The following HS6ST3 variants were observed in gnomAD, a reference collection of about 807,000 sequenced individuals.
The protein encoded by HS6ST3 is heparan sulfate 6-O-sulfotransferase 3.
A neutral mutation model predicts 36.7 loss-of-function variants in HS6ST3; 12 were observed. The ratio of observed to expected loss-of-function variants is 0.33; its 90% CI spans 0.21 to 0.53. The LOEUF is 0.53. HS6ST3 is among the 20% of genes least tolerant of loss of function. The pLI, the probability that HS6ST3 is intolerant of heterozygous loss-of-function variation, is 0.95. For synonymous variants in HS6ST3, 240 were observed against 257.5 expected (o/e 0.93, Z 0.65); for missense variants, 584 against 640.9 (o/e 0.91, Z 0.96).
At chr13:96,627,288 T>A (rs2056516390) in intron 1 of HS6ST3, among the ~76,000 whole-genome samples, 1 of 152,048 alleles carries the variant, frequency 6.6e-6, no homozygotes, top group African/African-American at 2.4e-5. Flanking sequence ...GCGTAAACGA[T>A]CAAGTTTTTC....
At chr13:96,685,630 C>T (rs1362386397) in intron 1 of HS6ST3, among the ~76,000 whole-genome samples, 1 of 152,040 alleles carries the variant, frequency 6.6e-6, no homozygotes, top group African/African-American at 2.4e-5. Flanking sequence ...TGTGTATGCA[C>T]AATGTCCACC....
At chr13:96,589,948 G>C (rs937115823) in intron 1 of HS6ST3, among the ~76,000 whole-genome samples, 2 of 152,058 alleles carry the variant, frequency 1.3e-5, no homozygotes, top group Non-Finnish European at 2.9e-5. Flanking sequence ...TTGTCTTTCT[G>C]TGCCTAGCTT....
chr13:96,788,746 G>A (rs1877713864), intron 1 of HS6ST3, among the ~76,000 whole-genome samples: 1 of 151,704 alleles, frequency 6.6e-6, no homozygotes, highest in African/African-American at 2.4e-5. Flanking sequence ...ATGAGTCCTT[G>A]GTGAATTGAC....
At chr13:96,704,828 C>T (rs1336612117) in intron 1 of HS6ST3, among the ~76,000 whole-genome samples, 1 of 152,290 alleles carries the variant, frequency 6.6e-6, no homozygotes, top group South Asian at 2.1e-4. Context: ...AGGTTTCTAT[C>T]AGGGATGGGG....
intron 1 of HS6ST3, among the ~76,000 whole-genome samples, chr13:96,788,630 G>A (rs181159757): frequency 6.6e-6 from 1 of 151,986 alleles, no homozygotes; most frequent in East Asian, 1.9e-4. Flanking sequence ...TAAATGAGGG[G>A]AACATATTGA....
chr13:96,433,745 G>A (rs571078926), intron 1 of HS6ST3, among the ~76,000 whole-genome samples: 1 of 152,202 alleles, frequency 6.6e-6, no homozygotes, highest in East Asian at 1.9e-4. Context: ...GACTGGCCTG[G>A]CCAACATGGT....
chr13:96,199,835 G>A (rs1274529344), intron 1 of HS6ST3, among the ~76,000 whole-genome samples: 1 of 151,974 alleles, frequency 6.6e-6, no homozygotes, highest in Non-Finnish European at 1.5e-5. Flanking sequence ...GTCAAAGGAT[G>A]TGCAGATTCT....
intron 1 of HS6ST3, among the ~76,000 whole-genome samples, chr13:96,800,060 G>A (rs1331519586): frequency 6.9e-6 from 1 of 144,824 alleles, no homozygotes; most frequent in African/African-American, 2.5e-5. Context: ...CAGAATTACA[G>A]CCGCCTAGTA....
At chr13:96,420,570 T>C (rs2055557739) in intron 1 of HS6ST3, among the ~76,000 whole-genome samples, 1 of 152,220 alleles carries the variant, frequency 6.6e-6, no homozygotes, top group South Asian at 2.1e-4. Context: ...TTTTAAATAT[T>C]GAAACATAGC....
chr13:96,661,633 C>G (rs548741598), intron 1 of HS6ST3, among the ~76,000 whole-genome samples: 5 of 152,164 alleles, frequency 3.3e-5, no homozygotes, highest in African/African-American at 9.6e-5. Flanking sequence ...TTGTTTCTGT[C>G]ATGATATTAA....
At chr13:96,762,725 C>G (rs1259543698) in intron 1 of HS6ST3, among the ~76,000 whole-genome samples, 1 of 152,138 alleles carries the variant, frequency 6.6e-6, no homozygotes, top group African/African-American at 2.4e-5. Flanking sequence ...AAGACTGCTT[C>G]TTTATGGGAG....
chr13:96,354,581 A>T (rs1194200450), intron 1 of HS6ST3, among the ~76,000 whole-genome samples: 1 of 152,150 alleles, frequency 6.6e-6, no homozygotes, highest in Non-Finnish European at 1.5e-5. Flanking sequence ...CTTCAAATTT[A>T]TGTCTGGCCC....
intron 1 of HS6ST3, among the ~76,000 whole-genome samples, chr13:96,530,022 A>G (rs192756314): frequency 2.6e-5 from 4 of 152,330 alleles, no homozygotes; most frequent in East Asian, 1.9e-4. Context: ...TTCAAGTTCT[A>G]TGATTAGATT....
chr13:96,467,010 A>G (rs1037470214), intron 1 of HS6ST3, among the ~76,000 whole-genome samples: 4 of 152,194 alleles, frequency 2.6e-5, no homozygotes, highest in African/African-American at 9.7e-5. Context: ...AAGATAGCAC[A>G]AGAAGCTGCT....
chr13:96,128,298 G>A (rs1373558104), intron 1 of HS6ST3, among the ~76,000 whole-genome samples: 1 of 152,182 alleles, frequency 6.6e-6, no homozygotes, highest in Non-Finnish European at 1.5e-5. Context: ...GTGAGGCATA[G>A]CAGTGTGGTG....
At chr13:96,597,244 G>A in intron 1 of HS6ST3, among the ~76,000 whole-genome samples, 1 of 151,982 alleles carries the variant, frequency 6.6e-6, no homozygotes, top group Middle Eastern at 3.4e-3. Context: ...TGCATGCTAG[G>A]CTTAGTACCT....
chr13:96,667,898 A>T (rs761848922), intron 1 of HS6ST3, among the ~76,000 whole-genome samples: 1 of 152,142 alleles, frequency 6.6e-6, no homozygotes, highest in Non-Finnish European at 1.5e-5. Flanking sequence ...CTTGTCTGTA[A>T]ACCCAGAAGC....
chr13:96,237,934 G>T (rs1460782291), intron 1 of HS6ST3, among the ~76,000 whole-genome samples: 1 of 152,122 alleles, frequency 6.6e-6, no homozygotes, highest in African/African-American at 2.4e-5. Flanking sequence ...CCTGGGCCTT[G>T]GTTTTTAACT....
chr13:96,720,492 G>A (rs1379654196), intron 1 of HS6ST3, among the ~76,000 whole-genome samples: 4 of 151,392 alleles, frequency 2.6e-5, no homozygotes, highest in Non-Finnish European at 4.4e-5. Flanking sequence ...TATGGGGGTC[G>A]GAAAAAAAAA....
Sources: gnomAD v4.1 joint callset for allele counts (sites outside exome capture counted in the v4.1 genomes callset) on GRCh38, gnomAD v4.1.1 for gene constraint, MANE v1.5 for transcripts, NCBI Gene and HGNC (gene_info 2026-07-23, HGNC 2026-07-21) for gene names.